The following IGFN1 variants were observed in gnomAD, a reference collection of about 807,000 sequenced individuals.
IGFN1 encodes the protein immunoglobulin-like and fibronectin type III domain-containing protein 1.
A neutral mutation model predicts 289.5 loss-of-function variants in IGFN1; 253 were observed. That is an observed-to-expected ratio of 0.87 (90% CI 0.79 to 0.97). The LOEUF is 0.97. Ranked by LOEUF, IGFN1 falls within the 50% of genes least tolerant of loss-of-function variation. The pLI, the probability that IGFN1 is intolerant of heterozygous loss-of-function variation, is 0.00. For synonymous variants in IGFN1, 1,706 were observed against 1,788.5 expected, an observed-to-expected ratio of 0.95 and a Z score of 1.16; for missense variants, 4,470 against 4,686.1, an observed-to-expected ratio of 0.95 and a Z score of 1.35.
At chr1:201,191,601 C>T (rs1326263617) in intron 1 of IGFN1, among the ~76,000 whole-genome samples, 4 of 152,208 alleles carry the variant, frequency 2.6e-5, no homozygotes, top group African/African-American at 7.2e-5. Flanking sequence ...ACTGAGACTA[C>T]ATCCCTCTAG....
chr1:201,206,024 T>G (rs189208826), intron 11 of IGFN1, 59 bp from the exon 12 acceptor site: 14 of 1,236,806 alleles, frequency 1.1e-5, no homozygotes, highest in African/African-American at 3.0e-5. Context: ...AGTTTTGGTA[T>G]TTTCTCTTGT....
chr1:201,211,872 G>T lies in IGFN1; in HGVS notation c.6979G>T (p.Gly2327Trp). 6.5e-7 allele frequency: 1 copy of T among 1,533,454 alleles called. No homozygotes were observed. The highest frequency in any genetic ancestry group is 1.4e-5 in the African/African-American group (1 of 72,948). The allele number at this position is 1,533,454 out of a possible 1,614,324, so 95.0% of individuals were successfully genotyped here. ...TGAGGCAGGTTCTAGGCAAGGCTTT[G>T]GGGGAACTAGTGGCATGGGGTCAGG... ...WNEAGSRQGFGGTSGMGSGSE... is the reference protein window; with the variant it reads ...WNEAGSRQGFWGTSGMGSGSE... Residue 2327 changes from glycine (G) to tryptophan (W), a missense_variant, in exon 12 of 24, where the codon GGG becomes TGG. Coordinates refer to ENST00000335211, the MANE Select transcript of IGFN1 (RefSeq NM_001164586.2).
Position 201,209,521 on chromosome 1 carries a change from G to A in IGFN1, c.4628G>A (p.Gly1543Glu). ...GGGGCTTCTGAGGCAATAGGTTCAG[G>A]GAGTAAGGCAGGTTTTACGGATGGT... ...DLGASEAIGS[G>E]SKAGFTDGLG... Residue 1543 changes from glycine (G) to glutamate (E), a missense_variant, in exon 12 of 24, where the codon GGG (glycine) becomes GAG (glutamate). Gly to Glu is a moderately conservative substitution (Grantham distance 98, BLOSUM62 -2). Transcript: ENST00000335211. 2 of 1,533,060 alleles carry A rather than the reference G, an allele frequency of 1.3e-6. No homozygotes were observed. Among genetic ancestry groups the A allele is most frequent in the Non-Finnish European group, 8.7e-7 (1 of 1,144,356 alleles). The allele number at this position is 1,533,060 out of a possible 1,614,324, so 95.0% of individuals were successfully genotyped here. A position where few individuals can be genotyped will look rare whatever the true frequency, so the allele number is the denominator to read the frequency against.
intron 10 of IGFN1, 86 bp from the exon 11 acceptor site, chr1:201,204,996 G>C: frequency 7.3e-7 from 1 of 1,378,718 alleles, no homozygotes; most frequent in Non-Finnish European, 9.8e-7. Context: ...GTCTAAGCCA[G>C]GATTTCTGAA....
At position 201,199,319 on chromosome 1, in the gene IGFN1, C is replaced by A; in HGVS notation, c.368-15C>A. ...GTCCACATCGACTCCTTCCTCTCCT[C>A]CCTGGATGTTGCAGTTGGCTTTCGG... On this transcript the variant is annotated splice_polypyrimidine_tract_variant and intron_variant, in intron 5 of 23. Transcript: ENST00000335211. 2 of 1,551,750 alleles carry A rather than the reference C, an allele frequency of 1.3e-6. No individual in the cohort carries two copies. Among genetic ancestry groups the A allele is most frequent in the Non-Finnish European group, 1.7e-6 (2 of 1,146,764 alleles).
chr1:201,193,818 C>A (rs549677052), intron 2 of IGFN1, among the ~76,000 whole-genome samples: 3 of 152,138 alleles, frequency 2.0e-5, no homozygotes, highest in Non-Finnish European at 4.4e-5. Context: ...AGCCCCCACA[C>A]GAGCTCCTGC....
rs183915648 is a variant in IGFN1 at position 201,209,475 on chromosome 1, G to T, written c.4582G>T (p.Ala1528Ser). ...TGGGGAAATGGGGTCTGTGGATAAG[G>T]CAGGCTATAGGAAGGATTTGGGGGC... is the stretch of plus-strand genomic sequence containing the variant. The part of the protein sequence containing the change: ...GSGEMGSVDK[A>S]GYRKDLGASE... Residue 1528 changes from alanine (A) to serine (S), a missense_variant, in exon 12 of 24, where the codon GCA (alanine) becomes TCA (serine). Transcript: ENST00000335211. 2 of 1,536,696 alleles carry T rather than the reference G, an allele frequency of 1.3e-6. No homozygotes were observed. The highest frequency in any genetic ancestry group is 1.4e-5 in the African/African-American group (1 of 72,966).
At position 201,197,274 on chromosome 1, in the gene IGFN1, G is replaced by T. The variant is rs755982111; in HGVS notation, c.324G>T (p.Ala108=). ...TGTACCGCTGCACAGCAGTAAATGC[G>T]TACGGAGAGGCCGCTTGCTCAGTGA... ...TDLYRCTAVN[A]YGEAACSVRL... The change falls in exon 5 of 24, where the codon GCG becomes GCT. Residue 108 remains alanine, a synonymous_variant. Transcript: ENST00000335211. 5 of 1,551,554 alleles carry T rather than the reference G, an allele frequency of 3.2e-6. No homozygotes were observed. Among genetic ancestry groups the T allele is most frequent in the Middle Eastern group, 1.7e-4 (1 of 5,992 alleles).
rs1468235413 is a variant in IGFN1, at chr1:201,209,236, G to C, written c.4343G>C (p.Gly1448Ala). The C allele has an allele frequency of 6.7e-7, 1 of 1,485,640 alleles. No individual in the cohort carries two copies. The highest frequency in any genetic ancestry group is 1.4e-5 in the African/African-American group (1 of 70,770). 92.0% of individuals were successfully genotyped at this position (1,485,640 alleles called of 1,614,324 possible). The change falls in exon 12 of 24, where the codon GGT (glycine) becomes GCT (alanine). Residue 1448 changes from glycine to alanine, a missense_variant. Physicochemically the swap from Gly to Ala is moderately conservative, Grantham distance 60. This residue lies in a region of IGFN1 where 2,011 missense variants were observed against 1,953.4 expected (regional missense o/e 1.03). Transcript: ENST00000335211. ...GCAGGTTATAGGGATGGCTTAAGGG[G>C]TTCTGGAGAAATGAGGTCAATGGAT... ...SKAGYRDGLR[G>A]SGEMRSMDEA...
In IGFN1 at chr1:201,215,618, G is replaced by A. The variant is rs747576300; in HGVS notation, c.9075G>A (p.Val3025=). The change falls in exon 15 of 24, where the codon GTG becomes GTA. Residue 3025 remains valine (V), a synonymous_variant. Transcript: ENST00000335211. ...TCAAGGCTGGGAAGCCGGTGATAGTGAAGATCCCCTTCCAGAGCCACCTCC... is the reference window on the plus strand; with the variant it reads ...TCAAGGCTGGGAAGCCGGTGATAGTAAAGATCCCCTTCCAGAGCCACCTCC... ...LVVKAGKPVI[V]KIPFQSHLPI... The A allele has an allele frequency of 1.2e-6, 2 of 1,613,830 alleles. No homozygotes were observed. Among genetic ancestry groups the A allele is most frequent in the South Asian group, 2.2e-5 (2 of 90,986 alleles).
Position 201,206,538 on chromosome 1 carries a change from A to T in IGFN1, c.1645A>T (p.Ser549Cys). The T allele has an allele frequency of 6.4e-7, 1 of 1,551,098 alleles. No individual in the cohort carries two copies. Among genetic ancestry groups the T allele is most frequent in the Non-Finnish European group, 8.7e-7 (1 of 1,146,996 alleles). ...QQQDRGRDSN[S>C]DECWRKAGGW... ...GCAAGATCGTGGCAGAGACAGCAACAGTGATGAATGCTGGAGGAAAGCAGG... is the reference window on the plus strand; with the variant it reads ...GCAAGATCGTGGCAGAGACAGCAACTGTGATGAATGCTGGAGGAAAGCAGG... The change falls in exon 12 of 24, where the codon AGT (serine) becomes TGT (cysteine). Residue 549 changes from serine to cysteine, a missense_variant. Coordinates refer to ENST00000335211, the MANE Select transcript of IGFN1 (RefSeq NM_001164586.2).
chr1:201,218,807 C>T (rs1437264171), intron 18 of IGFN1, 149 bp downstream of exon 18: 7 of 787,770 alleles, frequency 8.9e-6, no homozygotes, highest in African/African-American at 8.8e-5. Context: ...AATCAAAAGG[C>T]CTCTCGGGTG....
intron 15 of IGFN1, 199 bp downstream of exon 15, chr1:201,216,037 C>T: frequency 1.4e-6 from 1 of 731,814 alleles, no homozygotes; most frequent in Non-Finnish European, 2.5e-6. Context: ...GTGCTGGGCT[C>T]CTGCTGGGGG....
Position 201,223,636 on chromosome 1 carries a change from G to A in IGFN1, c.10290+809G>A, listed in dbSNP as rs139694037. On this transcript the variant is annotated intron_variant, in intron 20 of 23. Transcript: ENST00000335211. ...AGTCTGCCCACCTCGGCCTCCCAAA[G>A]TGCTGGGATTACAAGTGTGAGCCAC... Among the ~76,000 whole-genome samples, 643 of 152,242 alleles carry A rather than the reference G, an allele frequency of 4.2e-3. 7 individuals are homozygous for A. The highest frequency in any genetic ancestry group is 0.014 in the African/African-American group (593 of 41,542).
At position 201,218,615 on chromosome 1, in the gene IGFN1, G is replaced by A; in HGVS notation, c.9855G>A (p.Glu3285=). ...CTGTGGCTCCCTCAGGTCCCGGAGAGCCTGGACCTCCATCGGATGCTGTCT... is the reference window on the plus strand; with the variant it reads ...CTGTGGCTCCCTCAGGTCCCGGAGAACCTGGACCTCCATCGGATGCTGTCT... ...VTAVAPSGPG[E]PGPPSDAVFA... is the part of the protein sequence containing the mutation. Residue 3285 remains glutamate, a synonymous_variant, in exon 18 of 24, where the codon GAG becomes GAA. Transcript: ENST00000335211. 6.2e-7 allele frequency: 1 copy of A among 1,612,004 alleles called. No individual in the cohort carries two copies. Among genetic ancestry groups the A allele is most frequent in the Non-Finnish European group, 8.5e-7 (1 of 1,179,892 alleles).
chr1:201,203,748 T>C lies in IGFN1; in HGVS notation c.758T>C (p.Met253Thr). Reference protein sequence around the residue: ...SKIYLYKDGEMIPYGFNNQTK... With the variant: ...SKIYLYKDGETIPYGFNNQTK... The stretch of plus-strand genomic sequence containing the variant: ...CTTTTCTGGCCTTAGGATGGTGAGA[T>C]GATCCCCTATGGCTTCAACAACCAA... The change falls in exon 10 of 24, where the codon ATG becomes ACG. Residue 253 changes from methionine to threonine, a missense_variant. Met to Thr is a moderately conservative substitution (Grantham distance 81). This residue lies in a region of IGFN1 where 2,011 missense variants were observed against 1,953.4 expected (regional missense o/e 1.03). Coordinates refer to ENST00000335211, the MANE Select transcript of IGFN1 (RefSeq NM_001164586.2). 1 of 1,551,704 alleles carries C rather than the reference T, an allele frequency of 6.4e-7. No homozygotes were observed. The highest frequency in any genetic ancestry group is 2.0e-5 in the Admixed American group (1 of 50,992).
intron 5 of IGFN1, among the ~76,000 whole-genome samples, chr1:201,198,102 G>A (rs1305664023): frequency 1.3e-5 from 2 of 152,144 alleles, no homozygotes; most frequent in Admixed American, 6.5e-5. Context: ...AGGTGGAAGA[G>A]GTGGCCCAGG....
intron 2 of IGFN1, 45 bp from the exon 3 acceptor site, chr1:201,194,109 G>A (rs1478551974): frequency 6.5e-7 from 1 of 1,546,008 alleles, no homozygotes; most frequent in African/African-American, 1.4e-5. Context: ...CACCCAGGAG[G>A]AAGAAGGTGG....
At chr1:201,198,946 T>C (rs1455130028) in intron 5 of IGFN1, among the ~76,000 whole-genome samples, 2 of 152,240 alleles carry the variant, frequency 1.3e-5, no homozygotes, top group Non-Finnish European at 2.9e-5. Context: ...ATATTGGGCC[T>C]ATACCCTGAA....
Sources: gnomAD v4.1 joint callset for allele counts (sites outside exome capture counted in the v4.1 genomes callset) on GRCh38, gnomAD v4.1.1 for gene constraint, gnomAD v4.1.1 regional missense constraint, MANE v1.5 for transcripts, NCBI Gene and HGNC (gene_info 2026-07-23, HGNC 2026-07-21) for gene names.